The following GID8 variants were observed in gnomAD, a reference collection of about 807,000 sequenced individuals.
The protein encoded by GID8 is glucose-induced degradation protein 8 homolog.
Under a neutral mutation model 27.4 loss-of-function variants are expected in GID8, and 6 were observed. The observed-to-expected ratio is 0.22, with a 90% confidence interval of 0.12 to 0.43. The LOEUF (loss-of-function observed/expected upper bound fraction) is 0.43. Ranked by LOEUF, GID8 falls within the 20% of genes least tolerant of loss-of-function variation. The pLI is 1.00. For missense variants in GID8, 173 were observed against 287.6 expected (o/e 0.60, Z 2.88); for synonymous variants, 112 against 109.0 (o/e 1.03, Z -0.17).
At position 62,941,510 on chromosome 20, in the gene GID8, A is replaced by C; in HGVS notation, c.8A>C (p.Tyr3Ser). 6.3e-7 allele frequency: 1 copy of C among 1,597,980 alleles called. No individual in the cohort carries two copies. The highest frequency in any genetic ancestry group is 2.2e-5 in the East Asian group (1 of 44,816). MS[Y>S]AEKPDEITKD... is the part of the protein sequence containing the mutation. Reference sequence around the variant, plus strand: ...CTGTAGAAATAAATCAGAATGAGTTATGCAGAAAAACCCGATGAAATCACG... The same window carrying C: ...CTGTAGAAATAAATCAGAATGAGTTCTGCAGAAAAACCCGATGAAATCACG... The change falls in exon 2 of 5, where the codon TAT (tyrosine) becomes TCT (serine). Residue 3 changes from tyrosine (Y) to serine (S), a missense_variant. Coordinates refer to ENST00000266069, the MANE Select transcript of GID8 (RefSeq NM_017896.3).
Position 62,945,901 on chromosome 20 carries a change from C to T in GID8, c.*989C>T. The T allele has an allele frequency of 7.8e-7, 1 of 1,289,552 alleles. No homozygotes were observed. The highest frequency in any genetic ancestry group is 1.0e-6 in the Non-Finnish European group (1 of 988,850). 79.9% of individuals were successfully genotyped at this position (1,289,552 alleles called of 1,614,324 possible). A position where few individuals can be genotyped will look rare whatever the true frequency, so the allele number is the denominator to read the frequency against. On this transcript the variant is annotated 3_prime_UTR_variant, in exon 5 of 5. Transcript: ENST00000266069. ...GATCTGCCCTCCAGCATCTCGGCAGCATCTCATCCTCCATCGTCAGCTGGC... is the reference window on the plus strand; with the variant it reads ...GATCTGCCCTCCAGCATCTCGGCAGTATCTCATCCTCCATCGTCAGCTGGC...
intron 1 of GID8, among the ~76,000 whole-genome samples, chr20:62,939,758 A>G (rs2065431319): frequency 6.6e-6 from 1 of 152,164 alleles, no homozygotes; most frequent in Non-Finnish European, 1.5e-5. Flanking sequence ...GTGTCTCCCT[A>G]AGGGACTGGC....
rs555031003 is a variant in GID8, at chr20:62,946,089, C to A, written c.*1177C>A. 2 of 1,152,342 alleles carry A rather than the reference C, an allele frequency of 1.7e-6. No individual in the cohort carries two copies. Among genetic ancestry groups the A allele is most frequent in the Non-Finnish European group, 2.3e-6 (2 of 867,654 alleles). 71.4% of individuals were successfully genotyped at this position (1,152,342 alleles called of 1,614,324 possible). ...ACAGATGTGTTTGGATTCATTGCAG[C>A]GGACCACCGGGCACTGTTGACCCCA... On this transcript the variant is annotated 3_prime_UTR_variant, in exon 5 of 5. Coordinates refer to ENST00000266069, the MANE Select transcript of GID8 (RefSeq NM_017896.3).
Position 62,945,829 on chromosome 20 carries a change from A to G in GID8, c.*917A>G. On this transcript the variant is annotated 3_prime_UTR_variant, in exon 5 of 5. Coordinates refer to ENST00000266069, the MANE Select transcript of GID8 (RefSeq NM_017896.3). ...GCCGGTGGGGACGCAGAGCCCCAGC[A>G]GGTGGTGCACGACTGTTGGCGGAAG... is the stretch of plus-strand genomic sequence containing the variant. 1.6e-6 allele frequency: 2 copies of G among 1,289,380 alleles called. No individual in the cohort carries two copies. Among genetic ancestry groups the G allele is most frequent in the South Asian group, 1.2e-5 (1 of 81,006 alleles). The allele number at this position is 1,289,380 out of a possible 1,614,324, so 79.9% of individuals were successfully genotyped here. A position where few individuals can be genotyped will look rare whatever the true frequency, so the allele number is the denominator to read the frequency against.
At position 62,948,290 on chromosome 20, in the gene GID8, A is replaced by T. The variant is rs558439428; in HGVS notation, c.*3378A>T. The T allele has an allele frequency of 1.3e-5, 2 of 152,228 alleles. No homozygotes were observed. The highest frequency in any genetic ancestry group is 2.9e-5 in the Non-Finnish European group (2 of 68,040). The allele number at this position is 152,228 out of a possible 1,614,324, so 9.4% of individuals were successfully genotyped here. A position where few individuals can be genotyped will look rare whatever the true frequency, so the allele number is the denominator to read the frequency against. On this transcript the variant is annotated 3_prime_UTR_variant, in exon 5 of 5. Coordinates refer to ENST00000266069, the MANE Select transcript of GID8 (RefSeq NM_017896.3). Reference sequence around the variant, plus strand: ...ATATTTTTTGCAAATTGTATTGTCAACATGGGTCATTTAAAGTCCTGTATG... The same window carrying T: ...ATATTTTTTGCAAATTGTATTGTCATCATGGGTCATTTAAAGTCCTGTATG...
At position 62,947,213 on chromosome 20, in the gene GID8, C is replaced by T. The variant is rs940566462; in HGVS notation, c.*2301C>T. 9.2e-5 allele frequency: 14 copies of T among 152,344 alleles called. No homozygotes were observed. Among genetic ancestry groups the T allele is most frequent in the Middle Eastern group, 3.4e-3 (1 of 294 alleles). 9.4% of individuals were successfully genotyped at this position (152,344 alleles called of 1,614,324 possible). On this transcript the variant is annotated 3_prime_UTR_variant, in exon 5 of 5. Transcript: ENST00000266069. ...GCCAGCATCCAGCGTGAGCAGACGT[C>T]GGGGAGACTGGGAAGTCTCCGATGT...
At chr20:62,944,587 T>G in intron 4 of GID8, 152 bp from the exon 5 acceptor site, 1 of 638,226 alleles carries the variant, frequency 1.6e-6, no homozygotes, top group Non-Finnish European at 2.8e-6. Context: ...ACAACCAGAC[T>G]GTGAGCTTCC....
intron 2 of GID8, among the ~76,000 whole-genome samples, chr20:62,942,284 T>C (rs184840882): frequency 6.6e-6 from 1 of 151,598 alleles, no homozygotes; most frequent in East Asian, 1.9e-4. Flanking sequence ...ACCTTGTCTC[T>C]ACAAAAAAAA....
At chr20:62,940,911 A>C (rs2147629338) in intron 1 of GID8, among the ~76,000 whole-genome samples, 1 of 152,388 alleles carries the variant, frequency 6.6e-6, no homozygotes, top group African/African-American at 2.4e-5. Flanking sequence ...ATTTCAGTGA[A>C]GAAATAACGT....
chr20:62,943,080 G>T lies in GID8; in HGVS notation c.212G>T (p.Arg71Leu), dbSNP rs776679632. ...ACACTTGATGAACGAATCAAGATCC[G>T]GGAGATGATACTGAAAGGTCAGATT... ...LETLDERIKI[R>L]EMILKGQIQE... Residue 71 changes from arginine (R) to leucine (L), a missense_variant, in exon 3 of 5, where the codon CGG becomes CTG. Coordinates refer to ENST00000266069, the MANE Select transcript of GID8 (RefSeq NM_017896.3). This position sits in a 1 kb window ranked among gnomAD's most constrained non-coding sequence, Gnocchi z 4.7. 1 of 1,613,848 alleles carries T rather than the reference G, an allele frequency of 6.2e-7. No individual in the cohort carries two copies. Among genetic ancestry groups the T allele is most frequent in the Non-Finnish European group, 8.5e-7 (1 of 1,179,740 alleles).
chr20:62,944,968 A>T lies in GID8; in HGVS notation c.*56A>T. ...AGCCCTGCGTCGTGGGACTTGCCTC[A>T]GATCAGCCTGCGACTGCAAGATTCT... On this transcript the variant is annotated 3_prime_UTR_variant, in exon 5 of 5. Transcript: ENST00000266069. The T allele has an allele frequency of 6.5e-7, 1 of 1,550,320 alleles. No individual in the cohort carries two copies. Among genetic ancestry groups the T allele is most frequent in the Non-Finnish European group, 8.7e-7 (1 of 1,146,510 alleles).
In GID8 at chr20:62,945,376, C is replaced by G; in HGVS notation, c.*464C>G. ...TTTGTGTTTTTTTTTTTTTCTTTTT[C>G]CATAGGAAAGAATATATAAATTTGT... On this transcript the variant is annotated 3_prime_UTR_variant, in exon 5 of 5. Coordinates refer to ENST00000266069, the MANE Select transcript of GID8 (RefSeq NM_017896.3). The G allele has an allele frequency of 1.2e-6, 1 of 867,104 alleles. No homozygotes were observed. Among genetic ancestry groups the G allele is most frequent in the Non-Finnish European group, 1.4e-6 (1 of 723,306 alleles). 53.7% of individuals were successfully genotyped at this position (867,104 alleles called of 1,614,324 possible). A position where few individuals can be genotyped will look rare whatever the true frequency, so the allele number is the denominator to read the frequency against.
rs898936144 is a variant in GID8 at position 62,947,062 on chromosome 20, G to T, written c.*2150G>T. 2 of 152,240 alleles carry T rather than the reference G, an allele frequency of 1.3e-5. No individual in the cohort carries two copies. The highest frequency in any genetic ancestry group is 2.4e-5 in the African/African-American group (1 of 41,464). The allele number at this position is 152,240 out of a possible 1,614,324, so 9.4% of individuals were successfully genotyped here. On this transcript the variant is annotated 3_prime_UTR_variant, in exon 5 of 5. Coordinates refer to ENST00000266069, the MANE Select transcript of GID8 (RefSeq NM_017896.3). ...TATGTGGCTGTCACGTGAAGTGCTGGTGTTGATTTCCATTTCAGCCAGTGG... is the reference window on the plus strand; with the variant it reads ...TATGTGGCTGTCACGTGAAGTGCTGTTGTTGATTTCCATTTCAGCCAGTGG...
chr20:62,939,117 C>CAA (rs5842408), intron 1 of GID8, among the ~76,000 whole-genome samples: 1 of 144,490 alleles, frequency 6.9e-6, no homozygotes, highest in African/African-American at 2.5e-5. Context: ...GGCTCTGTCT[C>CAA]AAAAAAAAAA....
At chr20:62,942,190 A>G (rs960617807) in intron 2 of GID8, among the ~76,000 whole-genome samples, 3 of 152,212 alleles carry the variant, frequency 2.0e-5, no homozygotes, top group African/African-American at 7.2e-5. Flanking sequence ...ATGGTGGCTC[A>G]TGCTTATAGT....
chr20:62,944,571 C>T (rs1025540871), intron 4 of GID8, among the ~76,000 whole-genome samples, 168 bp from the exon 5 acceptor site: 5 of 152,208 alleles, frequency 3.3e-5, no homozygotes, highest in African/African-American at 4.8e-5. Context: ...TTGCATGTGA[C>T]GTTTAACAAC....
At position 62,943,675 on chromosome 20, in the gene GID8, A is replaced by G; in HGVS notation, c.496A>G (p.Thr166Ala). ...GTCGCCCTTCGGAGACCTCCTCCAC[A>G]CCATGCAGAGGCAGAAGGTGGGGCC... ...EESPFGDLLH[T>A]MQRQKVWSEV... The change falls in exon 4 of 5, where the codon ACC becomes GCC. Residue 166 changes from threonine to alanine, a missense_variant. Physicochemically the swap from Thr to Ala is moderately conservative, Grantham distance 58. Coordinates refer to ENST00000266069, the MANE Select transcript of GID8 (RefSeq NM_017896.3). This position sits in a 1 kb window ranked among gnomAD's most constrained non-coding sequence, Gnocchi z 4.7. The G allele has an allele frequency of 1.2e-6, 2 of 1,613,236 alleles. No homozygotes were observed. Among genetic ancestry groups the G allele is most frequent in the South Asian group, 1.1e-5 (1 of 91,066 alleles).
Position 62,945,213 on chromosome 20 carries a change from C to T in GID8, c.*301C>T, listed in dbSNP as rs896973189. On this transcript the variant is annotated 3_prime_UTR_variant, in exon 5 of 5. Coordinates refer to ENST00000266069, the MANE Select transcript of GID8 (RefSeq NM_017896.3). ...GGGGGCCTCTGGCTGCTGAAGGATT[C>T]GGTCTACCACGGAGGGCTGTGCTGT... is the stretch of plus-strand genomic sequence containing the variant. The T allele has an allele frequency of 1.4e-5, 16 of 1,150,662 alleles. No homozygotes were observed. Among genetic ancestry groups the T allele is most frequent in the Admixed American group, 1.3e-4 (3 of 23,404 alleles). The allele number at this position is 1,150,662 out of a possible 1,614,324, so 71.3% of individuals were successfully genotyped here.
At position 62,940,373 on chromosome 20, in the gene GID8, G is replaced by T. The variant is rs1173947333; in HGVS notation, c.-12-1118G>T. Among the ~76,000 whole-genome samples, 15 of 109,610 alleles carry T rather than the reference G, an allele frequency of 1.4e-4. 1 individual carries two copies. The highest frequency in any genetic ancestry group is 3.2e-4 in the Non-Finnish European group (15 of 47,032). The allele number at this position is 109,610 out of a possible 152,430, so 71.9% of individuals were successfully genotyped here. ...CAAATTTTTTTTTTTTTTTTGAGAC[G>T]GAGTCTTGTTCTGTCGCCCAGGCTG... On this transcript the variant is annotated intron_variant, in intron 1 of 4. Transcript: ENST00000266069.
Sources: allele counts gnomAD v4.1 joint callset (sites outside exome capture counted in the v4.1 genomes callset), GRCh38; gene constraint gnomAD v4.1.1; non-coding constraint Gnocchi (gnomAD v3.1); transcripts MANE v1.5; gene names NCBI Gene and HGNC (gene_info 2026-07-23, HGNC 2026-07-21).